SIRPG: variants seen among roughly 807,000 people sequenced by gnomAD.
The protein encoded by SIRPG is signal-regulatory protein gamma.
In SIRPG, 38 loss-of-function variants were observed where a neutral mutation model predicts 35.7. The observed-to-expected ratio is 1.06, with a 90% CI of 0.82 to 1.40. SIRPG has a LOEUF of 1.40. SIRPG is among the 40% of genes most tolerant of loss of function. SIRPG has a pLI of 0.00. For synonymous variants in SIRPG, 215 were observed against 190.4 expected, an observed-to-expected ratio of 1.13 and a Z score of -1.06; for missense variants, 519 against 483.0, an observed-to-expected ratio of 1.07 and a Z score of -0.70.
the SIRPG span, among the ~76,000 whole-genome samples, chr20:1,679,231 T>C: frequency 6.6e-6 from 1 of 152,152 alleles, no homozygotes; most frequent in African/African-American, 2.4e-5. Context: ...GAAAGGATGC[T>C]ACATGGCACT....
rs543354856 is a variant in SIRPG, at chr20:1,634,331, C to T, written c.1081+936G>A. Reference sequence around the variant, plus strand: ...ACACCATTCTCCTGCCTCAGCCTCCCGAGTAGCTGGGACTACAGGCGCCCG... The same window carrying T: ...ACACCATTCTCCTGCCTCAGCCTCCTGAGTAGCTGGGACTACAGGCGCCCG... On this transcript the variant is annotated intron_variant, in intron 4 of 5. Coordinates refer to ENST00000303415, the MANE Select transcript of SIRPG (RefSeq NM_018556.4). Among the ~76,000 whole-genome samples the T allele has an allele frequency of 4.2e-3, 642 of 151,892 alleles. 4 individuals are homozygous for T. The highest frequency in any genetic ancestry group is 7.0e-3 in the Non-Finnish European group (476 of 67,940).
intron 4 of SIRPG, among the ~76,000 whole-genome samples, chr20:1,632,173 A>G (rs1535883): frequency 0.72 from 109,784 of 152,028 alleles, 39,984 homozygotes; most frequent in South Asian, 0.85. Context: ...GGTTGACTTA[A>G]GAGTTGCTGG....
intron 1 of SIRPG, among the ~76,000 whole-genome samples, chr20:1,652,218 T>C (rs1482528593): frequency 1.3e-5 from 2 of 152,320 alleles, no homozygotes; most frequent in East Asian, 3.9e-4. Flanking sequence ...AAATGACTGG[T>C]TATCTACTAG....
intron 3 of SIRPG, 81 bp downstream of exon 3, chr20:1,636,107 C>A (rs2091797782): frequency 3.1e-6 from 5 of 1,595,050 alleles, no homozygotes; most frequent in Middle Eastern, 1.7e-4. Flanking sequence ...GGCCATTCAA[C>A]CTCTGGAGCA....
chr20:1,642,430 C>T (rs1024580169), intron 2 of SIRPG, among the ~76,000 whole-genome samples: 1 of 152,180 alleles, frequency 6.6e-6, no homozygotes, highest in African/African-American at 2.4e-5. Flanking sequence ...GGTAAATTTT[C>T]CTCCATCCGT....
At chr20:1,682,620 T>G in the SIRPG span, among the ~76,000 whole-genome samples, 1 of 152,188 alleles carries the variant, frequency 6.6e-6, no homozygotes, top group African/African-American at 2.4e-5. Context: ...TAGGGAAAAG[T>G]CAATCTCTTC....
At chr20:1,660,493 A>G (rs2091993217), upstream of SIRPG, among the ~76,000 whole-genome samples, 1 of 152,230 alleles carries the variant, frequency 6.6e-6, no homozygotes, top group Non-Finnish European at 1.5e-5. Context: ...AATTGGGCGT[A>G]TATGACTCAA....
chr20:1,647,648 C>T (rs375504845), intron 2 of SIRPG: 4 of 152,272 alleles, frequency 2.6e-5, no homozygotes, highest in South Asian at 4.2e-4. Flanking sequence ...ACTTACATAC[C>T]CATCAACAGA....
the SIRPG span, among the ~76,000 whole-genome samples, chr20:1,683,831 T>C: frequency 6.6e-6 from 1 of 152,018 alleles, no homozygotes; most frequent in Admixed American, 6.6e-5. Flanking sequence ...TAGCCGGGCA[T>C]GGTGGCGGAC....
At chr20:1,659,542 G>T (rs896785020), upstream of SIRPG, among the ~76,000 whole-genome samples, 1 of 152,222 alleles carries the variant, frequency 6.6e-6, no homozygotes, top group African/African-American at 2.4e-5. Context: ...CAGATATGGT[G>T]CCAAGCATTT....
At chr20:1,635,747 T>C in intron 3 of SIRPG, 148 bp from the exon 4 acceptor site, 1 of 848,998 alleles carries the variant, frequency 1.2e-6, no homozygotes, top group Non-Finnish European at 1.8e-6. Context: ...AGGGCGCTCT[T>C]TGCATATGAA....
upstream of SIRPG, among the ~76,000 whole-genome samples, chr20:1,660,796 T>C (rs892024484): frequency 3.9e-5 from 6 of 152,162 alleles, no homozygotes; most frequent in African/African-American, 1.4e-4. Flanking sequence ...AGGGACGACT[T>C]TGGGACACAT....
At chr20:1,675,837 T>G in the SIRPG span, among the ~76,000 whole-genome samples, 7 of 152,294 alleles carry the variant, frequency 4.6e-5, no homozygotes, top group African/African-American at 1.2e-4. Flanking sequence ...AGCATGTTTG[T>G]GTAAAATTAA....
In SIRPG at chr20:1,636,369, G is replaced by A. The variant is rs2091802119; in HGVS notation, c.567C>T (p.Leu189=). 1.2e-6 allele frequency: 2 copies of A among 1,614,252 alleles called. No homozygotes were observed. Among genetic ancestry groups the A allele is most frequent in the Non-Finnish European group, 8.5e-7 (1 of 1,180,042 alleles). The change falls in exon 3 of 6, where the codon CTC becomes CTT. Residue 189 remains leucine, a synonymous_variant. Coordinates refer to ENST00000303415, the MANE Select transcript of SIRPG (RefSeq NM_018556.4). ...GGTCCACGTTGGTCTGGAAGTCTGA[G>A]AGCTCATTCCCATTTTTGAACCATT... ...TLKWFKNGNE[L]SDFQTNVDPT... is the part of the protein sequence containing the mutation.
chr20:1,682,669 G>C, the SIRPG span, among the ~76,000 whole-genome samples: 2 of 151,978 alleles, frequency 1.3e-5, no homozygotes, highest in African/African-American at 4.8e-5. Context: ...CATGTATAGA[G>C]AAATAAAATT....
At chr20:1,681,172 T>C in the SIRPG span, among the ~76,000 whole-genome samples, 305 of 149,776 alleles carry the variant, frequency 2.0e-3, no homozygotes, top group Non-Finnish European at 3.1e-3. Flanking sequence ...TTTGCAATCA[T>C]ACAGAAAGCA....
the SIRPG span, among the ~76,000 whole-genome samples, chr20:1,668,176 TTTC>T: frequency 1.1e-3 from 102 of 89,168 alleles, no homozygotes; most frequent in African/African-American, 3.9e-3. Context: ...TTTTCTTTTC[TTTC>T]TTTCTTTCTT....
the SIRPG span, chr20:1,671,120 A>G: frequency 7.0e-6 from 3 of 428,216 alleles, no homozygotes; most frequent in Non-Finnish European, 1.4e-5. Flanking sequence ...AAGCCGTGGG[A>G]CTCACAGGTG....
chr20:1,644,908 C>A (rs749579314), intron 2 of SIRPG, among the ~76,000 whole-genome samples: 27 of 152,292 alleles, frequency 1.8e-4, no homozygotes, highest in Non-Finnish European at 2.6e-4. Context: ...CTGGATACTT[C>A]AGTTGGTGTT....
Sources: allele counts gnomAD v4.1 joint callset (sites outside exome capture counted in the v4.1 genomes callset), GRCh38; gene constraint gnomAD v4.1.1; transcripts MANE v1.5; gene names NCBI Gene and HGNC (gene_info 2026-07-23, HGNC 2026-07-21).